Variants in CPXM2 observed in about 807,000 individuals in gnomAD.
CPXM2 encodes inactive carboxypeptidase-like protein X2.
A neutral mutation model predicts 86.1 loss-of-function variants in CPXM2; 66 were observed. The ratio of observed to expected loss-of-function variants is 0.77; its 90% CI spans 0.63 to 0.94. CPXM2 has a LOEUF of 0.94. CPXM2 is among the 40% of genes least tolerant of loss of function. CPXM2 has a pLI of 0.00. For missense variants in CPXM2, 948 were observed against 1,026.3 expected (o/e 0.92, Z 1.04); for synonymous variants, 388 against 400.2 (o/e 0.97, Z 0.36).
intron 12 of CPXM2, among the ~76,000 whole-genome samples, chr10:123,756,963 G>A (rs1846227889): frequency 6.6e-6 from 1 of 152,226 alleles, no homozygotes; most frequent in Non-Finnish European, 1.5e-5. Context: ...GTTCCCTGCG[G>A]AGCAGCATCA....
chr10:123,892,631 CCTAT>C (rs1441460698), upstream of CPXM2, among the ~76,000 whole-genome samples: 1 of 152,324 alleles, frequency 6.6e-6, no homozygotes, highest in Middle Eastern at 3.4e-3. Flanking sequence ...TCAAACAACA[CCTAT>C]CTCACAGCTC....
chr10:123,858,308 G>A (rs760029536), intron 3 of CPXM2, among the ~76,000 whole-genome samples: 5 of 152,194 alleles, frequency 3.3e-5, no homozygotes, highest in Non-Finnish European at 7.3e-5. Context: ...TGCAGACACC[G>A]CGCTCACACA....
intron 4 of CPXM2, among the ~76,000 whole-genome samples, chr10:123,815,646 C>T (rs574497457): frequency 6.6e-6 from 1 of 152,252 alleles, no homozygotes; most frequent in African/African-American, 2.4e-5. Context: ...GTGATGGCTT[C>T]CCCTGAGGCA....
At chr10:123,827,392 T>C (rs1425849109) in intron 4 of CPXM2, among the ~76,000 whole-genome samples, 1 of 152,176 alleles carries the variant, frequency 6.6e-6, no homozygotes, top group Non-Finnish European at 1.5e-5. Context: ...TACCATACTG[T>C]CATGTGTGAA....
At chr10:123,783,295 T>C (rs2134034032) in intron 6 of CPXM2, among the ~76,000 whole-genome samples, 1 of 152,384 alleles carries the variant, frequency 6.6e-6, no homozygotes, top group East Asian at 1.9e-4. Flanking sequence ...TGGATTCATC[T>C]TGAATTCTTT....
chr10:123,841,084 C>G (rs549681510), intron 4 of CPXM2, among the ~76,000 whole-genome samples: 1 of 152,302 alleles, frequency 6.6e-6, no homozygotes, highest in South Asian at 2.1e-4. Flanking sequence ...TCCTAATGTT[C>G]ACGCGTGGGG....
At chr10:123,770,593 G>C (rs1190398091) in intron 8 of CPXM2, among the ~76,000 whole-genome samples, 3 of 152,238 alleles carry the variant, frequency 2.0e-5, no homozygotes, top group Admixed American at 6.5e-5. Context: ...AATCCTGAAG[G>C]AGGAGGAAAT....
intron 2 of CPXM2, among the ~76,000 whole-genome samples, chr10:123,897,829 G>A (rs78765000): frequency 0.074 from 11,261 of 152,310 alleles, 552 homozygotes; most frequent in East Asian, 0.2. Context: ...CCCGGCCCCC[G>A]GCTCATCACT....
At chr10:123,906,672 G>A (rs528936540) in intron 2 of CPXM2, among the ~76,000 whole-genome samples, 3 of 152,266 alleles carry the variant, frequency 2.0e-5, no homozygotes, top group South Asian at 2.1e-4. Context: ...CGCCTCATGT[G>A]CCCTGAAGAC....
chr10:123,832,255 C>T (rs994183737), intron 4 of CPXM2, among the ~76,000 whole-genome samples: 1 of 152,146 alleles, frequency 6.6e-6, no homozygotes, highest in Non-Finnish European at 1.5e-5. Context: ...GGTAAGTCAG[C>T]CCTGGGGGAG....
intron 2 of CPXM2, among the ~76,000 whole-genome samples, chr10:123,874,023 G>A (rs1590088496): frequency 1.3e-5 from 2 of 151,816 alleles, no homozygotes; most frequent in Admixed American, 1.3e-4. Context: ...CCACGCCAGG[G>A]TAATTTTTTG....
At chr10:123,904,748 T>A (rs1486285820) in intron 2 of CPXM2, among the ~76,000 whole-genome samples, 1 of 152,170 alleles carries the variant, frequency 6.6e-6, no homozygotes, top group African/African-American at 2.4e-5. Context: ...TATCACACTC[T>A]TGTGCATTCA....
At chr10:123,748,242 T>C (rs1472618133) in intron 13 of CPXM2, among the ~76,000 whole-genome samples, 1 of 152,080 alleles carries the variant, frequency 6.6e-6, no homozygotes, top group Non-Finnish European at 1.5e-5. Flanking sequence ...CTTGTGACAA[T>C]CTGAATGTCC....
chr10:123,855,913 T>C (rs866041350), intron 3 of CPXM2, among the ~76,000 whole-genome samples: 4 of 152,146 alleles, frequency 2.6e-5, no homozygotes, highest in Non-Finnish European at 5.9e-5. Context: ...CGTTTCCTCC[T>C]GGAAGAGCTG....
chr10:123,859,705 C>T (rs889907112), intron 3 of CPXM2, among the ~76,000 whole-genome samples: 1 of 152,206 alleles, frequency 6.6e-6, no homozygotes, highest in Non-Finnish European at 1.5e-5. Context: ...GAAAAACCCA[C>T]GAAGACAAAT....
At chr10:123,860,988 G>A (rs577621643) in intron 3 of CPXM2, among the ~76,000 whole-genome samples, 4 of 152,286 alleles carry the variant, frequency 2.6e-5, no homozygotes, top group South Asian at 2.1e-4. Flanking sequence ...TGTTTGATGC[G>A]GTGCAGTCTG....
chr10:123,868,909 G>A (rs925632760), intron 2 of CPXM2, among the ~76,000 whole-genome samples: 1 of 152,106 alleles, frequency 6.6e-6, no homozygotes, highest in Non-Finnish European at 1.5e-5. Context: ...GAACTCCATC[G>A]ACTTTAAATT....
At chr10:123,842,587 G>A in intron 3 of CPXM2, 99 bp from the exon 4 acceptor site, 1 of 1,233,014 alleles carries the variant, frequency 8.1e-7, no homozygotes, top group Non-Finnish European at 1.1e-6. Flanking sequence ...GGGAGGATAG[G>A]AGAAGAAAAT....
chr10:123,927,736 T>G, intron 2 of CPXM2, among the ~76,000 whole-genome samples: 1 of 152,252 alleles, frequency 6.6e-6, no homozygotes, highest in Non-Finnish European at 1.5e-5. Flanking sequence ...TAACTGCTTG[T>G]GCAATCACTG....
Sources: allele counts gnomAD v4.1 joint callset (sites outside exome capture counted in the v4.1 genomes callset), GRCh38; gene constraint gnomAD v4.1.1; transcripts MANE v1.5; gene names NCBI Gene and HGNC (gene_info 2026-07-23, HGNC 2026-07-21).